Variants in BASP1 observed in about 807,000 individuals in gnomAD.
BASP1 encodes brain acid soluble protein 1.
BASP1 carries 1 observed loss-of-function variant against 2.2 expected under a neutral mutation model. The ratio of observed to expected loss-of-function variants is 0.46; its 90% CI spans 0.16 to 2.17. BASP1 has a LOEUF of 2.17. BASP1 is among the 30% of genes most tolerant of loss of function. The pLI is 0.27. For missense variants in BASP1, 352 were observed against 327.2 expected (o/e 1.08, Z -0.58); for synonymous variants, 187 against 154.2 (o/e 1.21, Z -1.58).
intron 1 of BASP1, among the ~76,000 whole-genome samples, chr5:17,246,419 C>T (rs1739992125): frequency 6.6e-6 from 1 of 152,022 alleles, no homozygotes; most frequent in South Asian, 2.1e-4. Flanking sequence ...ACCTGGGAGG[C>T]AGAGGTTGCG....
intron 1 of BASP1, among the ~76,000 whole-genome samples, chr5:17,263,081 T>G (rs1279385684): frequency 6.6e-6 from 1 of 152,170 alleles, no homozygotes; most frequent in Non-Finnish European, 1.5e-5. Flanking sequence ...TCTCCTGACC[T>G]CATGATCCGC....
intron 1 of BASP1, among the ~76,000 whole-genome samples, chr5:17,220,518 T>C (rs138427319): frequency 5.2e-4 from 79 of 152,362 alleles, no homozygotes; most frequent in African/African-American, 1.8e-3. Context: ...TCAGTTCGCT[T>C]ATTCTTTTAG....
intron 1 of BASP1, among the ~76,000 whole-genome samples, chr5:17,219,901 G>T (rs1208441180): frequency 6.6e-6 from 1 of 152,186 alleles, no homozygotes; most frequent in Non-Finnish European, 1.5e-5. Context: ...GGTTCGCAAT[G>T]ATTCCTTTTT....
chr5:17,270,023 A>C lies in BASP1; in HGVS notation c.-9-5185A>C, dbSNP rs551312677. 5.3e-5 allele frequency among the ~76,000 whole-genome samples: 8 copies of C among 152,274 alleles called. No homozygotes were observed. In the East Asian group the frequency reaches 1.6e-3, roughly 30 times the overall value. On this transcript the variant is annotated intron_variant, in intron 1 of 1. Transcript: ENST00000322611. ...CTCTTTATTTTTATTTTTTGAGACAAGAGTTTTGCTCTTGTTGCCCAGGGT... is the reference window on the plus strand; with the variant it reads ...CTCTTTATTTTTATTTTTTGAGACACGAGTTTTGCTCTTGTTGCCCAGGGT...
In BASP1 at chr5:17,276,535, T is replaced by C. The variant is rs1017300957; in HGVS notation, c.*635T>C. 1.2e-5 allele frequency: 2 copies of C among 166,540 alleles called. No individual in the cohort carries two copies. Among genetic ancestry groups the C allele is most frequent in the African/African-American group, 4.8e-5 (2 of 41,266 alleles). The allele number at this position is 166,540 out of a possible 1,614,324, so 10.3% of individuals were successfully genotyped here. A position where few individuals can be genotyped will look rare whatever the true frequency, so the allele number is the denominator to read the frequency against. On this transcript the variant is annotated 3_prime_UTR_variant, in exon 2 of 2. Coordinates refer to ENST00000322611, the MANE Select transcript of BASP1 (RefSeq NM_006317.5). ...AGATATTTTTGGGAGTGACAAACAT[T>C]CTCTCATCCTACTTAGCCTACCTAG...
chr5:17,253,234 A>G (rs1012851917), intron 1 of BASP1, among the ~76,000 whole-genome samples: 1 of 152,190 alleles, frequency 6.6e-6, no homozygotes, highest in Non-Finnish European at 1.5e-5. Flanking sequence ...TTTTTAAGAC[A>G]GGGTCTCACT....
intron 1 of BASP1, among the ~76,000 whole-genome samples, chr5:17,247,598 A>C (rs1740021398): frequency 6.6e-6 from 1 of 152,136 alleles, no homozygotes; most frequent in Non-Finnish European, 1.5e-5. Flanking sequence ...GCTTCTTCAA[A>C]AGGTGCCAGT....
At chr5:17,249,751 C>A (rs936801470) in intron 1 of BASP1, among the ~76,000 whole-genome samples, 3 of 152,092 alleles carry the variant, frequency 2.0e-5, no homozygotes, top group African/African-American at 7.2e-5. Flanking sequence ...GTTTATCTAT[C>A]TTTGCATCTT....
chr5:17,216,840 C>A (rs1056929086), upstream of BASP1: 2 of 152,492 alleles, frequency 1.3e-5, no homozygotes, highest in Non-Finnish European at 2.9e-5. The surrounding 1 kb of genome is among the most constrained non-coding windows in gnomAD (Gnocchi z 6.4). Flanking sequence ...TCGTTTGCAG[C>A]GGCGCAGCCC....
At chr5:17,253,832 CGT>C (rs1388411672) in intron 1 of BASP1, among the ~76,000 whole-genome samples, 2 of 152,020 alleles carry the variant, frequency 1.3e-5, no homozygotes, top group Non-Finnish European at 2.9e-5. Flanking sequence ...AACAAATTTA[CGT>C]GTGTTTTACT....
At chr5:17,269,799 A>G (rs1740493717) in intron 1 of BASP1, among the ~76,000 whole-genome samples, 1 of 152,222 alleles carries the variant, frequency 6.6e-6, no homozygotes, top group African/African-American at 2.4e-5. Context: ...TCTCATTAAC[A>G]TGGTGTGTTT....
intron 1 of BASP1, among the ~76,000 whole-genome samples, chr5:17,252,785 G>C (rs1260774005): frequency 6.6e-6 from 1 of 152,184 alleles, no homozygotes; most frequent in Non-Finnish European, 1.5e-5. Context: ...CTTTAGACCT[G>C]AATCACACTC....
Position 17,275,864 on chromosome 5 carries a change from A to C in BASP1, c.648A>C (p.Ala216=). ...AEEPKPVEAP[A]ANSDQTVTVK... ...AGCCCAAGCCGGTGGAGGCCCCGGCAGCTAATTCCGACCAAACCGTAACCG... is the reference window on the plus strand; with the variant it reads ...AGCCCAAGCCGGTGGAGGCCCCGGCCGCTAATTCCGACCAAACCGTAACCG... The change falls in exon 2 of 2, where the codon GCA becomes GCC. Residue 216 remains alanine, a synonymous_variant. Coordinates refer to ENST00000322611, the MANE Select transcript of BASP1 (RefSeq NM_006317.5). The surrounding 1 kb of genome is among the most constrained non-coding windows in gnomAD (Gnocchi z 5.3). The C allele has an allele frequency of 6.2e-7, 1 of 1,601,902 alleles. No individual in the cohort carries two copies. Among genetic ancestry groups the C allele is most frequent in the Non-Finnish European group, 8.5e-7 (1 of 1,175,096 alleles).
chr5:17,251,259 T>G lies in BASP1; in HGVS notation c.-9-23949T>G, dbSNP rs1250037342. 2.0e-5 allele frequency among the ~76,000 whole-genome samples: 3 copies of G among 152,164 alleles called. No homozygotes were observed. The highest frequency in any genetic ancestry group is 4.4e-5 in the Non-Finnish European group (3 of 68,026). On this transcript the variant is annotated intron_variant, in intron 1 of 1. Transcript: ENST00000322611. This position sits in a 1 kb window ranked among gnomAD's most constrained non-coding sequence, Gnocchi z 4.0. ...ATACCCCGATTTTATCATTACACAT[T>G]GTATACAAGTATCAAAATATCACAT...
chr5:17,254,283 T>A lies in BASP1; in HGVS notation c.-9-20925T>A, dbSNP rs199720888. ...TATCTGCTAACATAATTGTAATTCA[T>A]CTTTTGTGTTCATTTTTAAAGTGCC... On this transcript the variant is annotated intron_variant, in intron 1 of 1. Coordinates refer to ENST00000322611, the MANE Select transcript of BASP1 (RefSeq NM_006317.5). Among the ~76,000 whole-genome samples, 3 of 152,224 alleles carry A rather than the reference T, an allele frequency of 2.0e-5. No homozygotes were observed. The East Asian group carries it at 5.8e-4, about 29-fold the overall frequency.
In BASP1 at chr5:17,275,360, C is replaced by A. The variant is rs745619169; in HGVS notation, c.144C>A (p.Pro48=). 3 of 1,601,396 alleles carry A rather than the reference C, an allele frequency of 1.9e-6. No individual in the cohort carries two copies. The highest frequency in any genetic ancestry group is 2.6e-6 in the Non-Finnish European group (3 of 1,174,470). ...GTGAGCCCCAGGCGGCCGCAGAGCCCGCCGAGGCCAAGGAGGGCAAGGAGA... is the reference window on the plus strand; with the variant it reads ...GTGAGCCCCAGGCGGCCGCAGAGCCAGCCGAGGCCAAGGAGGGCAAGGAGA... ...KESEPQAAAE[P]AEAKEGKEKP... is the part of the protein sequence containing the mutation. Residue 48 remains proline, a synonymous_variant, in exon 2 of 2, where the codon CCC becomes CCA. Transcript: ENST00000322611. This position sits in a 1 kb window ranked among gnomAD's most constrained non-coding sequence, Gnocchi z 5.3.
chr5:17,237,430 A>G (rs772423646), intron 1 of BASP1, among the ~76,000 whole-genome samples: 26 of 152,210 alleles, frequency 1.7e-4, no homozygotes, highest in Non-Finnish European at 3.5e-4. Flanking sequence ...CTCACCCAGA[A>G]TGCTTTTCTG....
rs1329623672 is a variant in BASP1, at chr5:17,275,890, T to G, written c.674T>G (p.Val225Gly). 1.1e-5 allele frequency: 17 copies of G among 1,587,670 alleles called. No individual in the cohort carries two copies. The highest frequency in any genetic ancestry group is 1.5e-5 in the Non-Finnish European group (17 of 1,169,396). Residue 225 changes from valine to glycine, a missense_variant, in exon 2 of 2, where the codon GTG (valine) becomes GGG (glycine). Transcript: ENST00000322611. This position sits in a 1 kb window ranked among gnomAD's most constrained non-coding sequence, Gnocchi z 5.3. ...PAANSDQTVT[V>G]KE is the part of the protein sequence containing the mutation. ...GCTAATTCCGACCAAACCGTAACCG[T>G]GAAAGAGTGACAAGGACAGCCTATA...
intron 1 of BASP1, among the ~76,000 whole-genome samples, chr5:17,245,109 C>T (rs1170812800): frequency 6.6e-6 from 1 of 151,144 alleles, no homozygotes; most frequent in Non-Finnish European, 1.5e-5. Flanking sequence ...CAAGACCAGC[C>T]TGACCAATAT....
Sources: gnomAD v4.1 joint callset for allele counts (sites outside exome capture counted in the v4.1 genomes callset) on GRCh38, gnomAD v4.1.1 for gene constraint, Gnocchi (gnomAD v3.1) non-coding constraint, MANE v1.5 for transcripts, NCBI Gene and HGNC (gene_info 2026-07-23, HGNC 2026-07-21) for gene names.